Variants in GPC6 observed in about 807,000 individuals in gnomAD.
The protein encoded by GPC6 is glypican 6, also known as glypican-6.
A neutral mutation model predicts 55.2 loss-of-function variants in GPC6; 14 were observed. That is an observed-to-expected ratio of 0.25 (90% CI 0.17 to 0.40). The LOEUF (loss-of-function observed/expected upper bound fraction) is 0.40, where lower values mean the gene tolerates loss of function less well. GPC6 is among the 10% of genes least tolerant of loss of function. The pLI, the probability that GPC6 is intolerant of heterozygous loss-of-function variation, is 1.00. For missense variants in GPC6, 641 were observed against 708.5 expected (o/e 0.90, Z 1.08); for synonymous variants, 278 against 259.6 (o/e 1.07, Z -0.68).
chr13:93,696,552 T>TA (rs369895264), intron 2 of GPC6, among the ~76,000 whole-genome samples: 2,674 of 150,360 alleles, frequency 0.018, 35 homozygotes, highest in Admixed American at 0.026. Context: ...CTTTTTTTTT[T>TA]AAAAAACAAA....
intron 2 of GPC6, among the ~76,000 whole-genome samples, chr13:93,785,875 T>C (rs1885801272): frequency 6.6e-6 from 1 of 152,050 alleles, no homozygotes; most frequent in African/African-American, 2.4e-5. Flanking sequence ...AGTGAAAGGA[T>C]TGCTTGAGCC....
chr13:94,351,232 G>GTA lies in GPC6; in HGVS notation c.1153-31178_1153-31177dup, dbSNP rs985823832. On this transcript the variant is annotated intron_variant, in intron 6 of 8. Transcript: ENST00000377047. ...AAAATAAAAAGTCATGAGGAAAAGTGTATATCGGTGGCAATTTTTCCCCAA... is the reference window on the plus strand; with the variant it reads ...AAAATAAAAAGTCATGAGGAAAAGTGTATATATCGGTGGCAATTTTTCCCCAA... Among the ~76,000 whole-genome samples the GTA allele has an allele frequency of 1.6e-4, 25 of 152,018 alleles. 1 individual carries two copies. Among genetic ancestry groups the GTA allele is most frequent in the Admixed American group, 1.4e-3 (21 of 15,280 alleles).
At chr13:94,053,202 GAC>G (rs1454970473) in intron 4 of GPC6, among the ~76,000 whole-genome samples, 1 of 152,124 alleles carries the variant, frequency 6.6e-6, no homozygotes, top group Non-Finnish European at 1.5e-5. Context: ...ACTCTGGAAT[GAC>G]TTTCGGGGGA....
chr13:93,754,125 T>G lies in GPC6; in HGVS notation c.320-76029T>G, dbSNP rs150258974. 3.8e-3 allele frequency among the ~76,000 whole-genome samples: 585 copies of G among 152,302 alleles called. 8 individuals are homozygous for G. Among genetic ancestry groups the G allele is most frequent in the Non-Finnish European group, 5.3e-3 (360 of 68,026 alleles). On this transcript the variant is annotated intron_variant, in intron 2 of 8. Coordinates refer to ENST00000377047, the MANE Select transcript of GPC6 (RefSeq NM_005708.5). ...AATATTCTTGTGACAATTTAAACCATATTATAAGGTATTTTCAAACTTTCT... is the reference window on the plus strand; with the variant it reads ...AATATTCTTGTGACAATTTAAACCAGATTATAAGGTATTTTCAAACTTTCT...
chr13:94,210,601 A>C (rs1186990858), intron 4 of GPC6, among the ~76,000 whole-genome samples: 1 of 152,262 alleles, frequency 6.6e-6, no homozygotes. Context: ...AGAGTAAATT[A>C]GAATTTGTTT....
At position 93,742,973 on chromosome 13, in the gene GPC6, C is replaced by G. The variant is rs138215343; in HGVS notation, c.320-87181C>G. 2.0e-4 allele frequency among the ~76,000 whole-genome samples: 31 copies of G among 152,050 alleles called. No homozygotes were observed. The East Asian group carries it at 6.0e-3, about 29-fold the overall frequency. On this transcript the variant is annotated intron_variant, in intron 2 of 8. Coordinates refer to ENST00000377047, the MANE Select transcript of GPC6 (RefSeq NM_005708.5). ...ACACGGAGGGAGAAATTTTAGGGGTCGTGTACAGGATTCCACAGAGAATAT... is the reference window on the plus strand; with the variant it reads ...ACACGGAGGGAGAAATTTTAGGGGTGGTGTACAGGATTCCACAGAGAATAT...
intron 2 of GPC6, among the ~76,000 whole-genome samples, chr13:93,708,590 ATGAG>A (rs1363709474): frequency 1.3e-5 from 2 of 151,702 alleles, no homozygotes; most frequent in Non-Finnish European, 2.9e-5. Flanking sequence ...ATTCCTCTTT[ATGAG>A]TGTCCAATTC....
chr13:94,079,125 G>A (rs781222241), intron 4 of GPC6, among the ~76,000 whole-genome samples: 1 of 152,038 alleles, frequency 6.6e-6, no homozygotes, highest in Non-Finnish European at 1.5e-5. Flanking sequence ...ACATTGTAAT[G>A]TAGAGATGAT....
chr13:93,465,384 A>G (rs1172413300), intron 1 of GPC6, among the ~76,000 whole-genome samples: 1 of 152,086 alleles, frequency 6.6e-6, no homozygotes, highest in Non-Finnish European at 1.5e-5. Flanking sequence ...TGTAGTCACC[A>G]TCAATTCTTT....
At chr13:94,031,768 T>C (rs935017058) in intron 4 of GPC6, among the ~76,000 whole-genome samples, 1 of 152,222 alleles carries the variant, frequency 6.6e-6, no homozygotes, top group African/African-American at 2.4e-5. Context: ...TGTGGTTATT[T>C]TGAGTGTTTG....
intron 4 of GPC6, among the ~76,000 whole-genome samples, chr13:94,030,142 G>C (rs1267414474): frequency 6.6e-6 from 1 of 151,950 alleles, no homozygotes; most frequent in Non-Finnish European, 1.5e-5. Flanking sequence ...CCGAGGAGCT[G>C]GGACTACAGG....
At chr13:93,542,828 C>G (rs1882374506) in intron 1 of GPC6, among the ~76,000 whole-genome samples, 1 of 152,024 alleles carries the variant, frequency 6.6e-6, no homozygotes, top group Non-Finnish European at 1.5e-5. Flanking sequence ...CTCTGTTTGT[C>G]TGTTATTGGT....
At position 93,907,503 on chromosome 13, in the gene GPC6, T is replaced by C. The variant is rs577905061; in HGVS notation, c.711+76958T>C. On this transcript the variant is annotated intron_variant, in intron 3 of 8. Coordinates refer to ENST00000377047, the MANE Select transcript of GPC6 (RefSeq NM_005708.5). ...ATCACTTATTTTTAAAGTACAGTTT[T>C]GTGACCGATTGTTTTTAATAACTGT... Among the ~76,000 whole-genome samples, 3 of 152,278 alleles carry C rather than the reference T, an allele frequency of 2.0e-5. No homozygotes were observed. In the South Asian group the frequency reaches 6.2e-4, roughly 32 times the overall value.
chr13:93,218,725 T>C, the GPC6 span, among the ~76,000 whole-genome samples: 1 of 152,358 alleles, frequency 6.6e-6, no homozygotes, highest in South Asian at 2.1e-4. Flanking sequence ...GTTGTTTTCC[T>C]GACTTAGTAG....
intron 1 of GPC6, among the ~76,000 whole-genome samples, chr13:93,405,213 C>T (rs1038066767): frequency 1.3e-5 from 2 of 152,124 alleles, no homozygotes; most frequent in African/African-American, 2.4e-5. Flanking sequence ...TCTGTCCACA[C>T]GTGTTCTTTT....
intron 2 of GPC6, among the ~76,000 whole-genome samples, chr13:93,598,115 G>T (rs949760971): frequency 1.3e-5 from 2 of 152,140 alleles, no homozygotes; most frequent in African/African-American, 4.8e-5. Flanking sequence ...CTGCACTCCA[G>T]CCTGGCAACA....
At chr13:93,819,767 T>TTA (rs1374039352) in intron 2 of GPC6, among the ~76,000 whole-genome samples, 1 of 152,232 alleles carries the variant, frequency 6.6e-6, no homozygotes, top group Non-Finnish European at 1.5e-5. Flanking sequence ...TTCTGGGAAT[T>TTA]AATAGTTTAT....
intron 3 of GPC6, among the ~76,000 whole-genome samples, chr13:93,877,362 G>A (rs1183239511): frequency 6.6e-6 from 1 of 151,858 alleles, no homozygotes; most frequent in African/African-American, 2.4e-5. Context: ...TATGTTGGGA[G>A]GCATTATTTA....
In GPC6 at chr13:94,111,473, T is replaced by TATAATA. The variant is rs149246452; in HGVS notation, c.877+83614_877+83619dup. Among the ~76,000 whole-genome samples, 490 of 144,424 alleles carry TATAATA rather than the reference T, an allele frequency of 3.4e-3. 4 individuals carry two copies. Among genetic ancestry groups the TATAATA allele is most frequent in the East Asian group, 0.023 (111 of 4,920 alleles). 94.7% of individuals were successfully genotyped at this position (144,424 alleles called of 152,430 possible). On this transcript the variant is annotated intron_variant, in intron 4 of 8. Transcript: ENST00000377047. ...CATGTATTCCAGAACTTAAAGTAAA[T>TATAATA]ATAATAATAATAATAATAATAATAA... is the stretch of plus-strand genomic sequence containing the variant.
Sources: gnomAD v4.1 joint callset for allele counts (sites outside exome capture counted in the v4.1 genomes callset) on GRCh38, gnomAD v4.1.1 for gene constraint, MANE v1.5 for transcripts, NCBI Gene and HGNC (gene_info 2026-07-23, HGNC 2026-07-21) for gene names.